GLIS3: variants seen among roughly 807,000 people sequenced by gnomAD.
GLIS3 encodes GLIS family zinc finger 3.
In GLIS3, 53 loss-of-function variants were observed where a neutral mutation model predicts 78.6. The ratio of observed to expected loss-of-function variants is 0.67; its 90% confidence interval spans 0.54 to 0.85. The LOEUF is 0.85. Among genes scored for constraint, GLIS3 ranks in the 40% least tolerant of loss-of-function variants. The pLI is 0.00. For missense variants in GLIS3, 1,703 were observed against 1,231.1 expected (o/e 1.38, Z -5.74); for synonymous variants, 684 against 509.9 (o/e 1.34, Z -4.60).
intron 4 of GLIS3, among the ~76,000 whole-genome samples, chr9:4,012,975 G>C (rs910359938): frequency 1.3e-5 from 2 of 151,890 alleles, no homozygotes; most frequent in Admixed American, 6.6e-5. Context: ...GTTTTGCCAT[G>C]TTGGCCAGGC....
chr9:4,204,254 T>A (rs1819652155), intron 2 of GLIS3, among the ~76,000 whole-genome samples: 1 of 151,648 alleles, frequency 6.6e-6, no homozygotes, highest in East Asian at 1.9e-4. Context: ...AAAAGAGGAG[T>A]ACAGTTAGCG....
chr9:4,385,745 GAAAGAAAGAAAGAA>G, the GLIS3 span, among the ~76,000 whole-genome samples: 19 of 31,346 alleles, frequency 6.1e-4, 3 homozygotes, highest in East Asian at 8.0e-3. Context: ...GAAAAAGAAA[GAAAGAAAGAAAGAA>G]AGAAAGAAAG....
chr9:4,195,982 T>C (rs1439515761), intron 2 of GLIS3, among the ~76,000 whole-genome samples: 2 of 150,296 alleles, frequency 1.3e-5, no homozygotes, highest in Non-Finnish European at 2.9e-5. Context: ...AGGTCAAGGT[T>C]TGTAAATGCA....
chr9:4,382,896 C>A, the GLIS3 span, among the ~76,000 whole-genome samples: 1 of 152,182 alleles, frequency 6.6e-6, no homozygotes, highest in African/African-American at 2.4e-5. Context: ...GGTGTCACTA[C>A]TGCCTAATTA....
At chr9:4,160,106 A>G (rs1467897053) in intron 2 of GLIS3, among the ~76,000 whole-genome samples, 1 of 152,234 alleles carries the variant, frequency 6.6e-6, no homozygotes, top group Non-Finnish European at 1.5e-5. Context: ...ATAGCCTGCT[A>G]GAAATACTTT....
intron 2 of GLIS3, among the ~76,000 whole-genome samples, chr9:4,206,866 G>C (rs1231741703): frequency 6.6e-6 from 1 of 152,222 alleles, no homozygotes; most frequent in Non-Finnish European, 1.5e-5. Flanking sequence ...TCACAATTCA[G>C]TGTAGATACT....
At chr9:4,107,420 T>C (rs547939086) in intron 4 of GLIS3, among the ~76,000 whole-genome samples, 9 of 152,006 alleles carry the variant, frequency 5.9e-5, no homozygotes, top group Admixed American at 1.3e-4. Flanking sequence ...TCCTAAAACC[T>C]CTCCACAATC....
In GLIS3 at chr9:3,855,775, AG is replaced by A. The variant is rs369723707; in HGVS notation, c.2473+233del. On this transcript the variant is annotated intron_variant, in intron 9 of 10. Coordinates refer to ENST00000381971, the MANE Select transcript of GLIS3 (RefSeq NM_001042413.2). ...TAGAGCCCTGGCCAATGAAAAAACC[AG>A]CAACTTGAGCTGACCAGTGCGATGT... 1.7e-4 allele frequency: 87 copies of A among 520,530 alleles called. No individual in the cohort carries two copies. The East Asian group carries it at 2.7e-3, about 16-fold the overall frequency. 32.2% of individuals were successfully genotyped at this position (520,530 alleles called of 1,614,324 possible).
At chr9:3,984,919 C>T (rs555727305) in intron 4 of GLIS3, among the ~76,000 whole-genome samples, 3 of 152,102 alleles carry the variant, frequency 2.0e-5, no homozygotes, top group East Asian at 1.9e-4. Context: ...GATTTCTTTG[C>T]CTGCTGCCAA....
At chr9:4,012,972 C>T (rs1376034881) in intron 4 of GLIS3, among the ~76,000 whole-genome samples, 1 of 151,972 alleles carries the variant, frequency 6.6e-6, no homozygotes, top group Non-Finnish European at 1.5e-5. Context: ...GGGGTTTTGC[C>T]ATGTTGGCCA....
intron 2 of GLIS3, among the ~76,000 whole-genome samples, chr9:4,266,271 G>A (rs1006405002): frequency 1.6e-4 from 24 of 151,800 alleles, no homozygotes; most frequent in African/African-American, 5.8e-4. Flanking sequence ...GAGCCACCTG[G>A]CTCAAGAAGA....
upstream of GLIS3, among the ~76,000 whole-genome samples, chr9:4,349,090 C>T (rs1817929585): frequency 6.6e-6 from 1 of 152,166 alleles, no homozygotes; most frequent in African/African-American, 2.4e-5. Flanking sequence ...GAGAATGCAA[C>T]ACTACTCCTT....
chr9:4,197,153 G>A (rs7873477), intron 2 of GLIS3, among the ~76,000 whole-genome samples: 2 of 152,020 alleles, frequency 1.3e-5, no homozygotes, highest in Non-Finnish European at 2.9e-5. Context: ...GGGGCTCTCT[G>A]TGCTCCACAC....
intron 4 of GLIS3, among the ~76,000 whole-genome samples, chr9:4,038,124 C>G (rs1300017578): frequency 6.6e-6 from 1 of 152,170 alleles, no homozygotes; most frequent in African/African-American, 2.4e-5. Flanking sequence ...CCTGGTAAAA[C>G]TTCAATGAGG....
chr9:4,486,556 G>C, the GLIS3 span, among the ~76,000 whole-genome samples: 2 of 152,118 alleles, frequency 1.3e-5, no homozygotes, highest in Non-Finnish European at 2.9e-5. Flanking sequence ...ACCTCATTGG[G>C]AGGCTAGGTC....
chr9:4,468,761 G>A, the GLIS3 span, among the ~76,000 whole-genome samples: 1 of 152,154 alleles, frequency 6.6e-6, no homozygotes, highest in Non-Finnish European at 1.5e-5. Flanking sequence ...ACATCATAAT[G>A]ACAGGATCAA....
At chr9:3,942,395 C>G (rs1009945828) in intron 4 of GLIS3, among the ~76,000 whole-genome samples, 1 of 152,126 alleles carries the variant, frequency 6.6e-6, no homozygotes, top group Admixed American at 6.5e-5. Flanking sequence ...CCCATCTCCA[C>G]ATACAACCCA....
At chr9:4,026,087 A>G (rs965981960) in intron 4 of GLIS3, among the ~76,000 whole-genome samples, 4 of 152,230 alleles carry the variant, frequency 2.6e-5, no homozygotes, top group African/African-American at 9.6e-5. Context: ...AATTATAAAT[A>G]GTAAAAAACC....
chr9:4,445,525 T>G, the GLIS3 span, among the ~76,000 whole-genome samples: 4 of 152,116 alleles, frequency 2.6e-5, no homozygotes, highest in African/African-American at 9.7e-5. Context: ...TCCCAGCTAC[T>G]TGGGAAGCTG....
Sources: gnomAD v4.1 joint callset for allele counts (sites outside exome capture counted in the v4.1 genomes callset) on GRCh38, gnomAD v4.1.1 for gene constraint, MANE v1.5 for transcripts, NCBI Gene and HGNC (gene_info 2026-07-23, HGNC 2026-07-21) for gene names.